Variants in IGSF21 observed in about 807,000 individuals in gnomAD.
IGSF21 encodes immunoglobulin superfamily member 21.
IGSF21 carries 28 observed loss-of-function variants against 46.8 expected under a neutral mutation model. That is an observed-to-expected ratio of 0.60 (90% CI 0.44 to 0.82). The LOEUF (loss-of-function observed/expected upper bound fraction) is 0.82. Ranked by LOEUF, IGSF21 falls within the 40% of genes least tolerant of loss-of-function variation. The probability of loss-of-function intolerance (pLI) is 0.00; values close to 1 mark genes in which losing one functional copy is unlikely to be tolerated. For synonymous variants in IGSF21, 284 were observed against 273.6 expected (o/e 1.04, Z -0.38); for missense variants, 624 against 665.5 (o/e 0.94, Z 0.69).
At chr1:18,236,725 G>A (rs1185501362) in intron 2 of IGSF21, among the ~76,000 whole-genome samples, 3 of 47,636 alleles carry the variant, frequency 6.3e-5, no homozygotes, top group South Asian at 7.9e-4. Context: ...ATGTGAAGAC[G>A]GTGAGGAGTG....
At chr1:18,336,788 G>GGGCA (rs1314170373) in intron 4 of IGSF21, among the ~76,000 whole-genome samples, 6 of 152,102 alleles carry the variant, frequency 3.9e-5, no homozygotes, top group South Asian at 2.1e-4. Context: ...ACCCAAGACT[G>GGGCA]GGCAATTTGC....
At chr1:18,143,298 G>T (rs1263598968) in intron 1 of IGSF21, among the ~76,000 whole-genome samples, 1 of 152,108 alleles carries the variant, frequency 6.6e-6, no homozygotes, top group African/African-American at 2.4e-5. Flanking sequence ...CCCCTCGGCT[G>T]TCCCCTTTCA....
intron 3 of IGSF21, among the ~76,000 whole-genome samples, chr1:18,315,450 C>T (rs1309024620): frequency 6.6e-6 from 1 of 152,218 alleles, no homozygotes; most frequent in Non-Finnish European, 1.5e-5. Context: ...GAATCATGCT[C>T]ATCTTGCTCA....
intron 1 of IGSF21, among the ~76,000 whole-genome samples, chr1:18,151,565 T>G (rs1300141965): frequency 1.3e-5 from 2 of 152,046 alleles, no homozygotes; most frequent in Non-Finnish European, 2.9e-5. Flanking sequence ...CCAACACTGA[T>G]GGGGAGGGAC....
intron 1 of IGSF21, among the ~76,000 whole-genome samples, chr1:18,149,633 C>G (rs1329430296): frequency 2.0e-5 from 3 of 150,350 alleles, no homozygotes; most frequent in Non-Finnish European, 4.4e-5. Context: ...ACAGCTTGGC[C>G]CAATAGGTCT....
intron 4 of IGSF21, among the ~76,000 whole-genome samples, chr1:18,349,318 G>C (rs905165643): frequency 6.6e-6 from 1 of 152,154 alleles, no homozygotes; most frequent in African/African-American, 2.4e-5. Context: ...AGAGAGAGAA[G>C]GGCACAGGTT....
At chr1:18,325,691 G>A (rs2085650808) in intron 3 of IGSF21, among the ~76,000 whole-genome samples, 1 of 152,054 alleles carries the variant, frequency 6.6e-6, no homozygotes, top group Non-Finnish European at 1.5e-5. Flanking sequence ...AACCCCCCTG[G>A]GGTCTCCTGT....
At chr1:18,368,714 C>A (rs572911038) in intron 6 of IGSF21, among the ~76,000 whole-genome samples, 1 of 152,206 alleles carries the variant, frequency 6.6e-6, no homozygotes, top group South Asian at 2.1e-4. Context: ...CAGCCTCCAC[C>A]CTTTACCTGG....
intron 2 of IGSF21, chr1:18,278,899 G>C (rs769614077): frequency 2.1e-6 from 1 of 471,560 alleles, no homozygotes; most frequent in Non-Finnish European, 4.4e-6. Flanking sequence ...TGGGTATATG[G>C]GTGTTTGCCT....
At chr1:18,275,646 A>T (rs1221441309) in intron 2 of IGSF21, among the ~76,000 whole-genome samples, 2 of 152,212 alleles carry the variant, frequency 1.3e-5, no homozygotes, top group African/African-American at 2.4e-5. Flanking sequence ...ACAAGGGCTC[A>T]TGGAAACCTT....
chr1:18,227,089 C>T (rs1263171086), intron 1 of IGSF21, among the ~76,000 whole-genome samples: 6 of 152,224 alleles, frequency 3.9e-5, no homozygotes, highest in Non-Finnish European at 1.5e-5. Context: ...GAAGCATCAC[C>T]TGGTGTTTGC....
intron 4 of IGSF21, among the ~76,000 whole-genome samples, chr1:18,356,807 A>T (rs2086023166): frequency 1.3e-5 from 2 of 151,816 alleles, no homozygotes; most frequent in African/African-American, 4.8e-5. Context: ...GATAGAGATT[A>T]AGTGTGGGGA....
rs964826308 is a variant in IGSF21 at position 18,335,678 on chromosome 1, T to C, written c.424+668T>C. Reference sequence around the variant, plus strand: ...CTCTATTGCAAGGATGCTGGGGACTTGGCCTTGACTCCAGACTCTGTGTTC... The same window carrying C: ...CTCTATTGCAAGGATGCTGGGGACTCGGCCTTGACTCCAGACTCTGTGTTC... On this transcript the variant is annotated intron_variant, in intron 4 of 9. Transcript: ENST00000251296. This position sits in a 1 kb window ranked among gnomAD's most constrained non-coding sequence, Gnocchi z 4.8. 6.6e-6 allele frequency among the ~76,000 whole-genome samples: 1 copy of C among 152,244 alleles called. No individual in the cohort carries two copies. Among genetic ancestry groups the C allele is most frequent in the Admixed American group, 6.5e-5 (1 of 15,286 alleles).
chr1:18,200,410 G>A (rs1409169585), intron 1 of IGSF21, among the ~76,000 whole-genome samples: 1 of 152,074 alleles, frequency 6.6e-6, no homozygotes, highest in South Asian at 2.1e-4. Context: ...GTCCAAGATC[G>A]AGGTGTGGGT....
chr1:18,147,555 T>C (rs74055907), intron 1 of IGSF21, among the ~76,000 whole-genome samples: 405 of 152,224 alleles, frequency 2.7e-3, no homozygotes, highest in African/African-American at 9.4e-3. Flanking sequence ...TCCCTTTATA[T>C]GAATACATCT....
intron 1 of IGSF21, among the ~76,000 whole-genome samples, chr1:18,191,785 C>T (rs980599570): frequency 1.3e-5 from 2 of 152,148 alleles, no homozygotes; most frequent in Middle Eastern, 3.2e-3. Context: ...TCCCTGCCCC[C>T]TGCGTTCTGA....
chr1:18,221,625 C>T (rs778696198), intron 1 of IGSF21, among the ~76,000 whole-genome samples: 6 of 152,232 alleles, frequency 3.9e-5, no homozygotes, highest in South Asian at 2.1e-4. Flanking sequence ...GTGGTGTAAA[C>T]GCTGTCAGAG....
chr1:18,257,393 A>G (rs1261044005), intron 2 of IGSF21, among the ~76,000 whole-genome samples: 1 of 152,206 alleles, frequency 6.6e-6, no homozygotes, highest in African/African-American at 2.4e-5. Flanking sequence ...TAATGGCAAT[A>G]CATTACTCTT....
chr1:18,143,437 A>G (rs1425572463), intron 1 of IGSF21, among the ~76,000 whole-genome samples: 2 of 152,166 alleles, frequency 1.3e-5, no homozygotes, highest in African/African-American at 4.8e-5. Flanking sequence ...CCTCCTGCTT[A>G]GAACTCTCCA....
Sources: allele counts gnomAD v4.1 joint callset (sites outside exome capture counted in the v4.1 genomes callset), GRCh38; gene constraint gnomAD v4.1.1; non-coding constraint Gnocchi (gnomAD v3.1); transcripts MANE v1.5; gene names NCBI Gene and HGNC (gene_info 2026-07-23, HGNC 2026-07-21).